Variants in EIF2B4 observed in about 807,000 individuals in gnomAD.
EIF2B4 encodes the protein translation initiation factor eIF2B subunit delta.
A neutral mutation model predicts 66.7 loss-of-function variants in EIF2B4; 34 were observed. The observed-to-expected ratio is 0.51, with a 90% confidence interval of 0.39 to 0.68. The LOEUF (loss-of-function observed/expected upper bound fraction) is 0.68. EIF2B4 is among the 30% of genes least tolerant of loss of function. EIF2B4 has a pLI of 0.00. For synonymous variants in EIF2B4, 278 were observed against 253.6 expected (o/e 1.10, Z -0.92); for missense variants, 618 against 657.9 (o/e 0.94, Z 0.66).
chr2:27,367,903 G>A (rs1488150784), intron 7 of EIF2B4, 81 bp from the exon 8 acceptor site: 2 of 1,522,068 alleles, frequency 1.3e-6, no homozygotes, highest in Admixed American at 1.7e-5. Context: ...CTTCACTGAG[G>A]AAAATGTTCT....
Position 27,367,929 on chromosome 2 carries a change from C to T in EIF2B4, c.705+96G>A, listed in dbSNP as rs558941804. 37 of 1,469,930 alleles carry T rather than the reference C, an allele frequency of 2.5e-5. No homozygotes were observed. In the African/African-American group the frequency reaches 4.2e-4, roughly 17 times the overall value. 91.1% of individuals were successfully genotyped at this position (1,469,930 alleles called of 1,614,324 possible). On this transcript the variant is annotated intron_variant, in intron 7 of 12. Coordinates refer to ENST00000347454, the MANE Select transcript of EIF2B4 (RefSeq NM_001034116.2). ...AAAATGTTCTGAGGGTAGGAGTATT[C>T]CCTCTGTCCCCCAGAGATGACCTTG...
chr2:27,370,087 G>A lies in EIF2B4; in HGVS notation c.32-168C>T, dbSNP rs552335760. ...GGACGCACTGCGCGGCGGATCAAAG[G>A]AATGGAGGGGTCACCGACCCTCCTC... is the stretch of plus-strand genomic sequence containing the variant. On this transcript the variant is annotated intron_variant, in intron 1 of 12. Transcript: ENST00000347454. 208 of 1,508,116 alleles carry A rather than the reference G, an allele frequency of 1.4e-4. No individual in the cohort carries two copies. The Middle Eastern group carries it at 4.0e-3, about 29-fold the overall frequency. The allele number at this position is 1,508,116 out of a possible 1,614,324, so 93.4% of individuals were successfully genotyped here.
In EIF2B4 at chr2:27,369,548, G is replaced by T. The variant is rs752068283; in HGVS notation, c.77C>A (p.Ala26Glu). 3.1e-6 allele frequency: 5 copies of T among 1,614,008 alleles called. No homozygotes were observed. The highest frequency in any genetic ancestry group is 4.2e-6 in the Non-Finnish European group (5 of 1,180,008). ...TTCTTTGGTCATTTCCCTCCCCACT[G>T]CCTGAGACACAGACATAGGATACTG... is the stretch of plus-strand genomic sequence containing the variant. ...MKAELPPGPG[A>E]VGREMTKEEK... is the part of the protein sequence containing the mutation. Residue 26 changes from alanine (A) to glutamate (E), a missense_variant and splice_region_variant, in exon 3 of 13, where the codon GCA becomes GAA. By Grantham distance (107) the Ala-to-Glu change is moderately radical. Around this residue, in one of 4 missense-constraint regions of EIF2B4, gnomAD observed 506 missense variants for 511.9 expected, o/e 0.99. Transcript: ENST00000347454.
At chr2:27,364,932 CATT>C (rs532964281) in intron 11 of EIF2B4, 34 bp from the exon 12 acceptor site, 111 of 1,606,274 alleles carry the variant, frequency 6.9e-5, no homozygotes, top group Middle Eastern at 3.3e-4. Context: ...AAAAAAATGT[CATT>C]GTTGTATCAA....
chr2:27,368,622 C>A, intron 5 of EIF2B4, 32 bp downstream of exon 5: 3 of 1,613,606 alleles, frequency 1.9e-6, no homozygotes, highest in Non-Finnish European at 2.5e-6. Flanking sequence ...TCCCTAGGCT[C>A]TTTCTAGCCA....
Position 27,364,525 on chromosome 2 carries a change from G to T in EIF2B4, c.1447C>A (p.Arg483=). 1 of 1,614,170 alleles carries T rather than the reference G, an allele frequency of 6.2e-7. No individual in the cohort carries two copies. The highest frequency in any genetic ancestry group is 8.5e-7 in the Non-Finnish European group (1 of 1,180,032). The change falls in exon 13 of 13, where the codon CGG becomes AGG. Residue 483 remains arginine, a synonymous_variant. Transcript: ENST00000347454. ...LANWQNHASL[R]LLNLVYDVTP... is the part of the protein sequence containing the mutation. Reference sequence around the variant, plus strand: ...ACATCATAGACTAGATTCAACAACCGTAGGGATGCGTGGTTCTGCCAGTTA... The same window carrying T: ...ACATCATAGACTAGATTCAACAACCTTAGGGATGCGTGGTTCTGCCAGTTA...
rs369882701 is a variant in EIF2B4 at position 27,369,121 on chromosome 2, C to T, written c.303G>A (p.Arg101=). 1.2e-6 allele frequency: 2 copies of T among 1,613,984 alleles called. No homozygotes were observed. Among genetic ancestry groups the T allele is most frequent in the East Asian group, 2.2e-5 (1 of 44,896 alleles). ...VPAGRSKAEL[R]AERRAKQEAE... ...CCTCCTGCTTGGCTCGACGCTCAGC[C>T]CGAAGTTCGGCCTTACTCCGACCAG... Residue 101 remains arginine (R), a synonymous_variant, in exon 4 of 13, where the codon CGG becomes CGA. Coordinates refer to ENST00000347454, the MANE Select transcript of EIF2B4 (RefSeq NM_001034116.2).
chr2:27,368,499 A>G (rs1161275719), intron 5 of EIF2B4, 36 bp from the exon 6 acceptor site: 9 of 1,588,082 alleles, frequency 5.7e-6, no homozygotes, highest in East Asian at 2.2e-5. Context: ...AATGGCCCAG[A>G]GTTTAAAAAG....
In EIF2B4 at chr2:27,368,075, C is replaced by G. The variant is rs778177199; in HGVS notation, c.655G>C (p.Val219Leu). 1.2e-6 allele frequency: 2 copies of G among 1,600,314 alleles called. No individual in the cohort carries two copies. Among genetic ancestry groups the G allele is most frequent in the African/African-American group, 2.7e-5 (2 of 74,704 alleles). ...ATACACCGGGCATTGGAGCCACTGA[C>G]CAGGCCCTGGGAGTACTGCAGGCCG... The part of the protein sequence containing the change: ...RLGLQYSQGL[V>L]SGSNARCIAL... The change falls in exon 7 of 13, where the codon GTC becomes CTC. Residue 219 changes from valine (V) to leucine (L), a missense_variant. Physicochemically the swap from Val to Leu is conservative, Grantham distance 32. Coordinates refer to ENST00000347454, the MANE Select transcript of EIF2B4 (RefSeq NM_001034116.2).
At chr2:27,365,056 T>C (rs1238116157) in intron 11 of EIF2B4, 158 bp from the exon 12 acceptor site, 6 of 81,624 alleles carry the variant, frequency 7.4e-5, no homozygotes, top group Admixed American at 5.9e-4. Flanking sequence ...GTAATAAATC[T>C]TTTTTTTTTT....
At position 27,367,920 on chromosome 2, in the gene EIF2B4, AG is replaced by A. The variant is rs1243996467; in HGVS notation, c.706-99del. 25 of 1,482,504 alleles carry A rather than the reference AG, an allele frequency of 1.7e-5. No individual in the cohort carries two copies. The Admixed American group carries it at 2.7e-4, about 16-fold the overall frequency. 91.8% of individuals were successfully genotyped at this position (1,482,504 alleles called of 1,614,324 possible). On this transcript the variant is annotated intron_variant, in intron 7 of 12. Transcript: ENST00000347454. ...TCACTGAGGAAAATGTTCTGAGGGT[AG>A]GAGTATTCCCTCTGTCCCCCAGAGA...
In EIF2B4 at chr2:27,364,562, A is replaced by G; in HGVS notation, c.1410T>C (p.His470=). The stretch of plus-strand genomic sequence containing the variant: ...GGTTCTGCCAGTTAGCCAGCGCAAC[A>G]TGTTCTCCCCGCTTACATTGCAGAT... The part of the protein sequence containing the change: ...PDDLQCKRGE[H]VALANWQNHA... The change falls in exon 13 of 13, where the codon CAT becomes CAC. Residue 470 remains histidine (H), a synonymous_variant. Transcript: ENST00000347454. The G allele has an allele frequency of 1.2e-6, 2 of 1,614,212 alleles. No individual in the cohort carries two copies. The highest frequency in any genetic ancestry group is 1.7e-6 in the Non-Finnish European group (2 of 1,180,044).
At position 27,367,525 on chromosome 2, in the gene EIF2B4, T is replaced by C; in HGVS notation, c.817A>G (p.Met273Val). The change falls in exon 9 of 13, where the codon ATG (methionine) becomes GTG (valine). Residue 273 changes from methionine (M) to valine (V), a missense_variant. By Grantham distance (21) the Met-to-Val change is conservative (BLOSUM62 1). Around this residue, in one of 4 missense-constraint regions of EIF2B4, gnomAD observed 506 missense variants for 511.9 expected, o/e 0.99. Coordinates refer to ENST00000347454, the MANE Select transcript of EIF2B4 (RefSeq NM_001034116.2). ...TTAAGGAACTTGATGGCGTTGTGCATGCTCGCTGACAGGGGACGGCACTGA... is the reference window on the plus strand; with the variant it reads ...TTAAGGAACTTGATGGCGTTGTGCACGCTCGCTGACAGGGGACGGCACTGA... ...LTQCRPLSASMHNAIKFLNKE... is the reference protein window; with the variant it reads ...LTQCRPLSASVHNAIKFLNKE... The C allele has an allele frequency of 3.1e-6, 5 of 1,614,168 alleles. No individual in the cohort carries two copies. Among genetic ancestry groups the C allele is most frequent in the Non-Finnish European group, 4.2e-6 (5 of 1,180,040 alleles).
chr2:27,368,588 C>CA (rs779565150), intron 5 of EIF2B4, 66 bp downstream of exon 5: 8 of 1,598,716 alleles, frequency 5.0e-6, no homozygotes, highest in Non-Finnish European at 6.9e-6. Flanking sequence ...TTGCACCCAG[C>CA]ACCTTTCCTC....
At chr2:27,368,300 C>T (rs1682015118) in intron 6 of EIF2B4, 72 bp downstream of exon 6, 1 of 1,446,790 alleles carries the variant, frequency 6.9e-7, no homozygotes, top group Admixed American at 1.7e-5. Context: ...TCTCAGATTA[C>T]TAGAAACTTT....
chr2:27,367,377 T>G (rs1327004626), intron 9 of EIF2B4, 80 bp downstream of exon 9: 5 of 1,597,092 alleles, frequency 3.1e-6, no homozygotes, highest in African/African-American at 1.3e-5. Context: ...AAGGCTTACG[T>G]TGGCCTTCCC....
At chr2:27,368,232 G>T in intron 6 of EIF2B4, 93 bp from the exon 7 acceptor site, 2 of 1,311,062 alleles carry the variant, frequency 1.5e-6, no homozygotes, top group Non-Finnish European at 2.2e-6. Flanking sequence ...TTCACTAGCA[G>T]ATTTCCCCAC....
At chr2:27,370,165 G>A (rs1682295011) in intron 1 of EIF2B4, 119 bp downstream of exon 1, 4 of 1,544,416 alleles carry the variant, frequency 2.6e-6, no homozygotes, top group Admixed American at 2.0e-5. Flanking sequence ...TGTGTAGACC[G>A]GAGCCCAGCG....
At chr2:27,369,618 T>C in intron 2 of EIF2B4, 69 bp from the exon 3 acceptor site, 1 of 1,609,812 alleles carries the variant, frequency 6.2e-7, no homozygotes, top group Non-Finnish European at 8.5e-7. Context: ...TATTGGATGC[T>C]TACAAGATTT....
Sources: gnomAD v4.1 joint callset for allele counts on GRCh38, gnomAD v4.1.1 for gene constraint, gnomAD v4.1.1 regional missense constraint, MANE v1.5 for transcripts, NCBI Gene and HGNC (gene_info 2026-07-23, HGNC 2026-07-21) for gene names.